Variants in TNXB observed in about 807,000 individuals in gnomAD.
The protein encoded by TNXB is tenascin-X.
TNXB carries 183 observed loss-of-function variants against 340.5 expected under a neutral mutation model. The observed-to-expected ratio is 0.54, with a 90% CI of 0.48 to 0.61. The LOEUF is 0.61. Among genes scored for constraint, TNXB ranks in the 20% least tolerant of loss-of-function variants. TNXB has a pLI of 0.00. For synonymous variants in TNXB, 2,121 were observed against 2,314.5 expected (o/e 0.92, Z 2.40); for missense variants, 4,613 against 5,446.4 (o/e 0.85, Z 4.82).
chr6:32,061,367 G>C lies in TNXB; in HGVS notation c.7492+30C>G. ...AACCAGGTACCCATGAGGGAAAGGTGGTTACCCCGAGACTCCAAGCACTAC... is the reference window on the plus strand; with the variant it reads ...AACCAGGTACCCATGAGGGAAAGGTCGTTACCCCGAGACTCCAAGCACTAC... On this transcript the variant is annotated intron_variant, in intron 21 of 43. Coordinates refer to ENST00000644971, the MANE Select transcript of TNXB (RefSeq NM_001365276.2). This position sits in a 1 kb window ranked among gnomAD's most constrained non-coding sequence, Gnocchi z 4.4. 1.2e-6 allele frequency: 2 copies of C among 1,602,662 alleles called. No individual in the cohort carries two copies. Among genetic ancestry groups the C allele is most frequent in the Non-Finnish European group, 1.7e-6 (2 of 1,173,256 alleles).
Position 32,046,349 on chromosome 6 carries a change from A to G in TNXB, c.10432T>C (p.Ser3478Pro). ...SWTVAQGPFD[S>P]FVVQYRDTDG... The stretch of plus-strand genomic sequence containing the variant: ...GTGTCCCTGTACTGGACCACGAAGG[A>G]GTCAAAGGGGCCCTGGGCTACCGTC... Residue 3478 changes from serine to proline, a missense_variant, in exon 31 of 44, where the codon TCC becomes CCC. By Grantham distance (74) the Ser-to-Pro change is moderately conservative. Coordinates refer to ENST00000644971, the MANE Select transcript of TNXB (RefSeq NM_001365276.2). The surrounding 1 kb of genome is among the most constrained non-coding windows in gnomAD (Gnocchi z 6.9). 6.2e-7 allele frequency: 1 copy of G among 1,605,122 alleles called. No homozygotes were observed. Among genetic ancestry groups the G allele is most frequent in the Non-Finnish European group, 8.5e-7 (1 of 1,177,214 alleles).
Position 32,061,834 on chromosome 6 carries a change from T to C in TNXB, c.7169-114A>G. On this transcript the variant is annotated intron_variant, in intron 20 of 43. Coordinates refer to ENST00000644971, the MANE Select transcript of TNXB (RefSeq NM_001365276.2). This position sits in a 1 kb window ranked among gnomAD's most constrained non-coding sequence, Gnocchi z 4.4. ...GGGACATATGAAATAGCCAAGGCTATGACTAGGGGACCTGAGGTCAGTTCA... is the reference window on the plus strand; with the variant it reads ...GGGACATATGAAATAGCCAAGGCTACGACTAGGGGACCTGAGGTCAGTTCA... 1.4e-6 allele frequency: 2 copies of C among 1,405,234 alleles called. No individual in the cohort carries two copies. The highest frequency in any genetic ancestry group is 2.4e-5 in the Admixed American group (1 of 40,952). 87.0% of individuals were successfully genotyped at this position (1,405,234 alleles called of 1,614,324 possible).
Position 32,068,084 on chromosome 6 carries a change from A to G in TNXB, c.6221-100T>C, listed in dbSNP as rs117689957. Reference sequence around the variant, plus strand: ...ACTGGGGGACCCGAGGTCAGTTCAGAGAGGCCTACTCTTGGGGCTGGGTGG... The same window carrying G: ...ACTGGGGGACCCGAGGTCAGTTCAGGGAGGCCTACTCTTGGGGCTGGGTGG... On this transcript the variant is annotated intron_variant, in intron 17 of 43. Transcript: ENST00000644971. This position sits in a 1 kb window ranked among gnomAD's most constrained non-coding sequence, Gnocchi z 5.3. 2.4e-3 allele frequency: 3,510 copies of G among 1,472,084 alleles called. 149 individuals are homozygous for G. The East Asian group carries it at 0.078, about 33-fold the overall frequency. 91.2% of individuals were successfully genotyped at this position (1,472,084 alleles called of 1,614,324 possible). A position where few individuals can be genotyped will look rare whatever the true frequency, so the allele number is the denominator to read the frequency against.
Position 32,088,789 on chromosome 6 carries a change from G to A in TNXB, c.2775C>T (p.Asn925=), listed in dbSNP as rs1211384991. 1 of 1,570,764 alleles carries A rather than the reference G, an allele frequency of 6.4e-7. No homozygotes were observed. ...AVSYPASVRA[N]TGSSPLGLLG... The stretch of plus-strand genomic sequence containing the variant: ...CTAACCTCTGGCCAGCCATACCTGT[G>A]TTGGCCCTGACAGAAGCTGGGTAGC... Residue 925 remains asparagine (N), a synonymous_variant, in exon 6 of 44, where the codon AAC becomes AAT. Coordinates refer to ENST00000644971, the MANE Select transcript of TNXB (RefSeq NM_001365276.2).
At position 32,052,038 on chromosome 6, in the gene TNXB, G is replaced by A. The variant is rs1777309765; in HGVS notation, c.9115+632C>T. On this transcript the variant is annotated intron_variant, in intron 26 of 43. Transcript: ENST00000644971. The surrounding 1 kb of genome is among the most constrained non-coding windows in gnomAD (Gnocchi z 4.7). ...ATGTGAGTGGACTTCATGCTGGACT[G>A]CAAACTAGAAAGCGATTAGAATGGC... is the stretch of plus-strand genomic sequence containing the variant. Among the ~76,000 whole-genome samples the A allele has an allele frequency of 6.6e-6, 1 of 152,194 alleles. No homozygotes were observed. Among genetic ancestry groups the A allele is most frequent in the South Asian group, 2.1e-4 (1 of 4,828 alleles).
At position 32,049,934 on chromosome 6, in the gene TNXB, T is replaced by C. The variant is rs1433063375; in HGVS notation, c.9439+64A>G. The C allele has an allele frequency of 4.4e-6, 7 of 1,606,668 alleles. No homozygotes were observed. The highest frequency in any genetic ancestry group is 6.0e-6 in the Non-Finnish European group (7 of 1,174,822). On this transcript the variant is annotated intron_variant, in intron 27 of 43. Coordinates refer to ENST00000644971, the MANE Select transcript of TNXB (RefSeq NM_001365276.2). The surrounding 1 kb of genome is among the most constrained non-coding windows in gnomAD (Gnocchi z 4.5). The stretch of plus-strand genomic sequence containing the variant: ...CCCCTGTCCCATTCCCCACCAGTCA[T>C]CACCAAAGAGCAAGAGGTGGCCCTC...
rs1777444068 is a variant in TNXB at position 32,053,647 on chromosome 6, C to T, written c.8532G>A (p.Lys2844=). 4 of 1,613,256 alleles carry T rather than the reference C, an allele frequency of 2.5e-6. No individual in the cohort carries two copies. Among genetic ancestry groups the T allele is most frequent in the Middle Eastern group, 1.7e-4 (1 of 6,054 alleles). The change falls in exon 25 of 44, where the codon AAG becomes AAA. Residue 2844 remains lysine (K), a synonymous_variant. Coordinates refer to ENST00000644971, the MANE Select transcript of TNXB (RefSeq NM_001365276.2). ...TCACGGTCAGCTCCCCGAGGCGAGG[C>T]TTGTTGGGGGGCTCAGGGGTTGTGG... ...VPTTTPEPPN[K]PRLGELTVTD...
Position 32,062,466 on chromosome 6 carries a change from C to A in TNXB, c.6859G>T (p.Glu2287Ter). The change falls in exon 20 of 44, where the codon GAA becomes TAA. Residue 2287 changes from glutamate to a stop codon, truncating the protein, a stop_gained. Coordinates refer to ENST00000644971, the MANE Select transcript of TNXB (RefSeq NM_001365276.2). LOFTEE classifies it high-confidence loss of function. This position sits in a 1 kb window ranked among gnomAD's most constrained non-coding sequence, Gnocchi z 4.3. ...GGTTCTGTCGAGGCTGGGGCCATTT[C>A]TTCATCCTTTCCTGGGGCTGCATCA... ...VGLTAPGKDE[E>*]MAPASTEPPT... The A allele has an allele frequency of 6.2e-7, 1 of 1,605,634 alleles. No homozygotes were observed. Among genetic ancestry groups the A allele is most frequent in the Non-Finnish European group, 8.5e-7 (1 of 1,174,598 alleles).
At position 32,089,730 on chromosome 6, in the gene TNXB, C is replaced by T. The variant is rs556313767; in HGVS notation, c.2359-351G>A. 1.5e-4 allele frequency among the ~76,000 whole-genome samples: 23 copies of T among 152,210 alleles called. 1 individual carries two copies. The South Asian group carries it at 2.1e-3, about 14-fold the overall frequency. On this transcript the variant is annotated intron_variant, in intron 4 of 43. Transcript: ENST00000644971. The surrounding 1 kb of genome is among the most constrained non-coding windows in gnomAD (Gnocchi z 6.2). ...AATTTAGGCCCTAGCAGTGTGATCC[C>T]AGAGTCCCCTCTCATGGGCACCCCC...
In TNXB at chr6:32,079,252, C is replaced by G; in HGVS notation, c.4156G>C (p.Asp1386His). The G allele has an allele frequency of 6.2e-7, 1 of 1,613,640 alleles. No individual in the cohort carries two copies. The highest frequency in any genetic ancestry group is 8.5e-7 in the Non-Finnish European group (1 of 1,179,860). ...ACGGTCCAGAAGAGGCTCAGCGAAT[C>G]AGGGGAGGATCCTGTCACTGTCAGC... ...GELTVTGSSP[D>H]SLSLFWTVPQ... is the part of the protein sequence containing the mutation. Residue 1386 changes from aspartate to histidine, a missense_variant, in exon 11 of 44, where the codon GAT becomes CAT. Coordinates refer to ENST00000644971, the MANE Select transcript of TNXB (RefSeq NM_001365276.2). The surrounding 1 kb of genome is among the most constrained non-coding windows in gnomAD (Gnocchi z 7.1).
chr6:32,094,892 G>A (rs1161458846), intron 4 of TNXB, among the ~76,000 whole-genome samples, 184 bp downstream of exon 4: 1 of 152,186 alleles, frequency 6.6e-6, no homozygotes, highest in Admixed American at 6.5e-5. Context: ...ACCAATGCTT[G>A]CTGGAGATGC....
Position 32,085,823 on chromosome 6 carries a change from C to G in TNXB, c.3075G>C (p.Pro1025=). ...GGACCCCATGAAGTGACAGCTCATACGGGGTTCCAGGAGGGGGTGGAGGCA... is the reference window on the plus strand; with the variant it reads ...GGACCCCATGAAGTGACAGCTCATAGGGGGTTCCAGGAGGGGGTGGAGGCA... ...ALVPPPPPGT[P]YELSLHGVPP... The change falls in exon 7 of 44, where the codon CCG becomes CCC. Residue 1025 remains proline (P), a synonymous_variant. Transcript: ENST00000644971. This position sits in a 1 kb window ranked among gnomAD's most constrained non-coding sequence, Gnocchi z 6.4. The G allele has an allele frequency of 6.2e-7, 1 of 1,603,500 alleles. No individual in the cohort carries two copies. Among genetic ancestry groups the G allele is most frequent in the South Asian group, 1.1e-5 (1 of 89,320 alleles).
At position 32,050,320 on chromosome 6, in the gene TNXB, A is replaced by G. The variant is rs1777203966; in HGVS notation, c.9117T>C (p.Ala3039=). 1 of 1,611,984 alleles carries G rather than the reference A, an allele frequency of 6.2e-7. No individual in the cohort carries two copies. Reference sequence around the variant, plus strand: ...GGGTGGTCTCGGCTTCATCCTTTGGAGCTGGACAGACACGTGTGGGGACAG... The same window carrying G: ...GGGTGGTCTCGGCTTCATCCTTTGGGGCTGGACAGACACGTGTGGGGACAG... ...VGPVSAVGVT[A]PKDEAETTQA... is the part of the protein sequence containing the mutation. The change falls in exon 27 of 44, where the codon GCT becomes GCC. Residue 3039 remains alanine (A), a splice_region_variant and synonymous_variant. Transcript: ENST00000644971.
At chr6:32,044,258 G>T (rs527587724) in intron 33 of TNXB, 123 bp downstream of exon 33, 3 of 569,338 alleles carry the variant, frequency 5.3e-6, no homozygotes, top group Non-Finnish European at 9.0e-6. Context: ...AATGGAAGTC[G>T]CTCTGCAGAT....
In TNXB at chr6:32,090,155, T is replaced by C. The variant is rs1780012489; in HGVS notation, c.2359-776A>G. On this transcript the variant is annotated intron_variant, in intron 4 of 43. Coordinates refer to ENST00000644971, the MANE Select transcript of TNXB (RefSeq NM_001365276.2). The surrounding 1 kb of genome is among the most constrained non-coding windows in gnomAD (Gnocchi z 4.3). ...ATTGTTGATTTTGTACCTGGCATCA[T>C]GCTGGGCATTGGAGACACAAAAATA... 6.6e-6 allele frequency among the ~76,000 whole-genome samples: 1 copy of C among 152,234 alleles called. No homozygotes were observed. Among genetic ancestry groups the C allele is most frequent in the Non-Finnish European group, 1.5e-5 (1 of 68,040 alleles).
Position 32,082,303 on chromosome 6 carries a change from C to G in TNXB, c.3469G>C (p.Gly1157Arg). ...KILPQSDPSP[G>R]TPPHLGNLWV... ...AGGTTTCCCAGGTGGGGTGGAGTCC[C>G]TGGACTTGGGTCACTCTGAGGCACT... Residue 1157 changes from glycine to arginine, a missense_variant, in exon 9 of 44, where the codon GGG becomes CGG. Around this residue, in one of 7 missense-constraint regions of TNXB, gnomAD observed 4,327 missense variants for 4,859.4 expected, o/e 0.89. Transcript: ENST00000644971. This position sits in a 1 kb window ranked among gnomAD's most constrained non-coding sequence, Gnocchi z 5.0. 1 of 1,599,644 alleles carries G rather than the reference C, an allele frequency of 6.3e-7. No individual in the cohort carries two copies.
At position 32,069,649 on chromosome 6, in the gene TNXB, C is replaced by G; in HGVS notation, c.5491G>C (p.Val1831Leu). 2 of 1,612,908 alleles carry G rather than the reference C, an allele frequency of 1.2e-6. No individual in the cohort carries two copies. Among genetic ancestry groups the G allele is most frequent in the Non-Finnish European group, 1.7e-6 (2 of 1,179,550 alleles). The stretch of plus-strand genomic sequence containing the variant: ...CTGTGGGCAGGGTCCAGGCCCGGCA[C>G]GCTGACCTCCCTGAGGCTGCCCTCC... ...PVEGSLREVS[V>L]PGLDPAHRYK... The change falls in exon 15 of 44, where the codon GTG (valine) becomes CTG (leucine). Residue 1831 changes from valine to leucine, a missense_variant. Val to Leu is a conservative substitution (Grantham distance 32). Coordinates refer to ENST00000644971, the MANE Select transcript of TNXB (RefSeq NM_001365276.2). This position sits in a 1 kb window ranked among gnomAD's most constrained non-coding sequence, Gnocchi z 6.2.
Position 32,064,990 on chromosome 6 carries a change from G to T in TNXB, c.6672C>A (p.Phe2224Leu). The T allele has an allele frequency of 5.6e-6, 9 of 1,612,666 alleles. No individual in the cohort carries two copies. The highest frequency in any genetic ancestry group is 7.6e-6 in the Non-Finnish European group (9 of 1,179,756). Residue 2224 changes from phenylalanine (F) to leucine (L), a missense_variant, in exon 19 of 44, where the codon TTC (phenylalanine) becomes TTA (leucine). Phe to Leu is a conservative substitution (Grantham distance 22). Coordinates refer to ENST00000644971, the MANE Select transcript of TNXB (RefSeq NM_001365276.2). This position sits in a 1 kb window ranked among gnomAD's most constrained non-coding sequence, Gnocchi z 5.3. ...CGTCCCCATTCTTAAACTGGACCAA[G>T]AAATGGTCAAACTGGCCCTCGGGGA... ...WTVPEGQFDH[F>L]LVQFKNGDGQ...
Position 32,095,130 on chromosome 6 carries a change from C to G in TNXB, c.2304G>C (p.Glu768Asp). 6.5e-7 allele frequency: 1 copy of G among 1,549,828 alleles called. No individual in the cohort carries two copies. Among genetic ancestry groups the G allele is most frequent in the Non-Finnish European group, 8.7e-7 (1 of 1,146,296 alleles). Reference protein sequence around the residue: ...HLLEETTVRTEWTPAPGPVDA... With the variant: ...HLLEETTVRTDWTPAPGPVDA... Reference sequence around the variant, plus strand: ...CCACGGGGCCAGGAGCCGGGGTCCACTCTGTCCGAACTGTTGTCTCCTCCA... The same window carrying G: ...CCACGGGGCCAGGAGCCGGGGTCCAGTCTGTCCGAACTGTTGTCTCCTCCA... The change falls in exon 4 of 44, where the codon GAG becomes GAC. Residue 768 changes from glutamate (E) to aspartate (D), a missense_variant. By Grantham distance (45) the Glu-to-Asp change is conservative. Transcript: ENST00000644971.
Sources: allele counts gnomAD v4.1 joint callset (sites outside exome capture counted in the v4.1 genomes callset), GRCh38; gene constraint gnomAD v4.1.1; regional missense constraint gnomAD v4.1.1; non-coding constraint Gnocchi (gnomAD v3.1); transcripts MANE v1.5; gene names NCBI Gene and HGNC (gene_info 2026-07-23, HGNC 2026-07-21).